The following PITPNM3 variants were observed in gnomAD, a reference collection of about 807,000 sequenced individuals.
PITPNM3 encodes membrane-associated phosphatidylinositol transfer protein 3.
A neutral mutation model predicts 102.0 loss-of-function variants in PITPNM3; 26 were observed. The ratio of observed to expected loss-of-function variants is 0.25; its 90% CI spans 0.19 to 0.35. The LOEUF (loss-of-function observed/expected upper bound fraction) is 0.35, where lower values mean the gene tolerates loss of function less well. PITPNM3 is among the 10% of genes least tolerant of loss of function. PITPNM3 has a pLI of 1.00. For synonymous variants in PITPNM3, 578 were observed against 558.6 expected, an observed-to-expected ratio of 1.03 and a Z score of -0.49; for missense variants, 1,083 against 1,346.1, an observed-to-expected ratio of 0.80 and a Z score of 3.06.
At position 6,451,342 on chromosome 17, in the gene PITPNM3, G is replaced by C. The variant is rs1281268450; in HGVS notation, c.*3996C>G. 2 of 152,220 alleles carry C rather than the reference G, an allele frequency of 1.3e-5. No homozygotes were observed. The highest frequency in any genetic ancestry group is 4.8e-5 in the African/African-American group (2 of 41,456). 9.4% of individuals were successfully genotyped at this position (152,220 alleles called of 1,614,324 possible). A position where few individuals can be genotyped will look rare whatever the true frequency, so the allele number is the denominator to read the frequency against. ...CTCACATCAAAATCAAGACCCAGTT[G>C]TAAAAATCTTTTAACTCCATAATGC... is the stretch of plus-strand genomic sequence containing the variant. On this transcript the variant is annotated 3_prime_UTR_variant, in exon 20 of 20. Coordinates refer to ENST00000262483, the MANE Select transcript of PITPNM3 (RefSeq NM_031220.4).
At chr17:6,509,680 T>G (rs1907755078) in intron 3 of PITPNM3, among the ~76,000 whole-genome samples, 1 of 151,986 alleles carries the variant, frequency 6.6e-6, no homozygotes, top group Non-Finnish European at 1.5e-5. Flanking sequence ...CTCAGGCCAC[T>G]CCCAGCATGG....
chr17:6,497,665 C>T (rs1906918864), intron 4 of PITPNM3, among the ~76,000 whole-genome samples: 1 of 152,240 alleles, frequency 6.6e-6, no homozygotes, highest in Admixed American at 6.5e-5. Flanking sequence ...GGGACAGCTG[C>T]CTGCGGCCCT....
intron 14 of PITPNM3, among the ~76,000 whole-genome samples, chr17:6,465,786 A>G (rs2150719855): frequency 6.6e-6 from 1 of 152,160 alleles, no homozygotes; most frequent in South Asian, 2.1e-4. Flanking sequence ...GTTGGCCCTG[A>G]CCAGCCCCCA....
intron 1 of PITPNM3, among the ~76,000 whole-genome samples, chr17:6,548,887 T>C (rs1366868973): frequency 6.6e-6 from 1 of 152,110 alleles, no homozygotes; most frequent in Non-Finnish European, 1.5e-5. Flanking sequence ...CTATTTTTGC[T>C]TTCAACCCTT....
chr17:6,540,382 C>T (rs1018756184), intron 1 of PITPNM3, among the ~76,000 whole-genome samples: 3 of 152,192 alleles, frequency 2.0e-5, no homozygotes, highest in African/African-American at 4.8e-5. Context: ...GTCCTCCTTC[C>T]TCAAGTGTCT....
chr17:6,483,522 G>T lies in PITPNM3; in HGVS notation c.582C>A (p.Val194=), dbSNP rs1249239978. The T allele has an allele frequency of 1.1e-5, 17 of 1,613,182 alleles. No homozygotes were observed. The highest frequency in any genetic ancestry group is 1.4e-5 in the Non-Finnish European group (17 of 1,179,492). The change falls in exon 6 of 20, where the codon GTC becomes GTA. Residue 194 remains valine (V), a synonymous_variant. Transcript: ENST00000262483. ...ACAAGCAGAAATGGACTCACTGAGAGACAAGCGAGAAAGCCTCAGAGCAGA... is the reference window on the plus strand; with the variant it reads ...ACAAGCAGAAATGGACTCACTGAGATACAAGCGAGAAAGCCTCAGAGCAGA... ...PAICSEAFSL[V]SHLNPYSHDE...
intron 4 of PITPNM3, among the ~76,000 whole-genome samples, chr17:6,496,953 T>C (rs950828543): frequency 6.6e-6 from 1 of 151,992 alleles, no homozygotes; most frequent in African/African-American, 2.4e-5. Flanking sequence ...TGCGTTGGCA[T>C]AGAGGCTAAT....
At chr17:6,480,912 G>T (rs907768856) in intron 6 of PITPNM3, 4 of 152,466 alleles carry the variant, frequency 2.6e-5, no homozygotes, top group Non-Finnish European at 4.4e-5. Flanking sequence ...TACCCTGGAG[G>T]TCCCCTCAGT....
intron 4 of PITPNM3, among the ~76,000 whole-genome samples, chr17:6,499,908 T>G (rs1907072388): frequency 6.6e-6 from 1 of 152,068 alleles, no homozygotes; most frequent in African/African-American, 2.4e-5. Flanking sequence ...TTTTTTGTAT[T>G]TTAGTAGAGA....
Position 6,491,816 on chromosome 17 carries a change from A to AATATAT in PITPNM3, c.275-7530_275-7525dup, listed in dbSNP as rs71381397. Among the ~76,000 whole-genome samples, 233 of 62,048 alleles carry AATATAT rather than the reference A, an allele frequency of 3.8e-3. 4 individuals carry two copies. The highest frequency in any genetic ancestry group is 0.013 in the African/African-American group (209 of 15,506). The allele number at this position is 62,048 out of a possible 152,430, so 40.7% of individuals were successfully genotyped here. On this transcript the variant is annotated intron_variant, in intron 4 of 19. Transcript: ENST00000262483. ...TTTTCTCTAGATGCTGGGACAATGG[A>AATATAT]ATATATATATATATATATATAATAA...
intron 3 of PITPNM3, among the ~76,000 whole-genome samples, chr17:6,505,195 A>AATATATATATATATATATATATATAT (rs55839764): frequency 3.5e-4 from 48 of 136,280 alleles, no homozygotes; most frequent in Admixed American, 1.1e-3. Context: ...AGACAAATAA[A>AATATATATATATATATATATATATAT]ATATATATAT....
In PITPNM3 at chr17:6,519,849, G is replaced by T. The variant is rs546610665; in HGVS notation, c.226+5507C>A. The stretch of plus-strand genomic sequence containing the variant: ...TGTCTCCAAAAAAAAAAGAAAGAAA[G>T]AAAAGATTTGTAAATGATGTGATGC... On this transcript the variant is annotated intron_variant, in intron 3 of 19. Coordinates refer to ENST00000262483, the MANE Select transcript of PITPNM3 (RefSeq NM_031220.4). Among the ~76,000 whole-genome samples, 17 of 151,926 alleles carry T rather than the reference G, an allele frequency of 1.1e-4. No homozygotes were observed. The East Asian group carries it at 2.5e-3, about 22-fold the overall frequency.
chr17:6,483,529 G>C lies in PITPNM3; in HGVS notation c.575C>G (p.Ser192Trp), dbSNP rs774376937. ...PCPAICSEAFSLVSHLNPYSH... is the reference protein window; with the variant it reads ...PCPAICSEAFWLVSHLNPYSH... ...GAAATGGACTCACTGAGAGACAAGC[G>C]AGAAAGCCTCAGAGCAGATGGCAGG... Residue 192 changes from serine to tryptophan, a missense_variant, in exon 6 of 20, where the codon TCG becomes TGG. By Grantham distance (177) the Ser-to-Trp change is radical (BLOSUM62 -3). Transcript: ENST00000262483. 1 of 1,613,690 alleles carries C rather than the reference G, an allele frequency of 6.2e-7. No individual in the cohort carries two copies. The highest frequency in any genetic ancestry group is 1.7e-5 in the Admixed American group (1 of 59,968).
chr17:6,500,321 A>G (rs1907095213), intron 4 of PITPNM3, among the ~76,000 whole-genome samples: 1 of 152,268 alleles, frequency 6.6e-6, no homozygotes, highest in Admixed American at 6.5e-5. Flanking sequence ...AAGCGCCATT[A>G]TAAATGCAAG....
chr17:6,468,176 C>A lies in PITPNM3; in HGVS notation c.1890+49G>T. 2 of 1,580,586 alleles carry A rather than the reference C, an allele frequency of 1.3e-6. No homozygotes were observed. Among genetic ancestry groups the A allele is most frequent in the Non-Finnish European group, 1.7e-6 (2 of 1,152,248 alleles). On this transcript the variant is annotated intron_variant, in intron 14 of 19. Transcript: ENST00000262483. The surrounding 1 kb of genome is among the most constrained non-coding windows in gnomAD (Gnocchi z 5.2). The stretch of plus-strand genomic sequence containing the variant: ...GCCCCAGCCCCCGGGCCAGCCCCAC[C>A]TCCCGGAGGACACAGTCCCAGCCAC...
intron 2 of PITPNM3, among the ~76,000 whole-genome samples, chr17:6,530,228 T>C (rs1209662148): frequency 6.6e-6 from 1 of 152,196 alleles, no homozygotes; most frequent in African/African-American, 2.4e-5. Flanking sequence ...TCTCTCACCC[T>C]TGGGGTTGGA....
At chr17:6,501,077 C>G (rs1240996969) in intron 4 of PITPNM3, among the ~76,000 whole-genome samples, 3 of 152,230 alleles carry the variant, frequency 2.0e-5, no homozygotes, top group Non-Finnish European at 4.4e-5. Flanking sequence ...CCAGAGGTCA[C>G]TAAACATCTC....
rs949951182 is a variant in PITPNM3 at position 6,478,049 on chromosome 17, T to C, written c.826A>G (p.Ile276Val). The C allele has an allele frequency of 9.3e-6, 15 of 1,613,666 alleles. No homozygotes were observed. The African/African-American group carries it at 1.7e-4, about 19-fold the overall frequency. Residue 276 changes from isoleucine (I) to valine (V), a missense_variant, in exon 8 of 20, where the codon ATC becomes GTC. By Grantham distance (29) the Ile-to-Val change is conservative (BLOSUM62 3). Transcript: ENST00000262483. The surrounding 1 kb of genome is among the most constrained non-coding windows in gnomAD (Gnocchi z 4.4). ...CCTGAGGGCCCCGCACTGTAGCAGA[T>C]GGCATCGAAGGCCAGGAGGCCCCCC... The part of the protein sequence containing the change: ...CVGGLLAFDA[I>V]CYSAGPSGDS...
chr17:6,553,741 C>T (rs934823723), intron 1 of PITPNM3, among the ~76,000 whole-genome samples: 13 of 152,240 alleles, frequency 8.5e-5, no homozygotes, highest in African/African-American at 3.1e-4. Flanking sequence ...CCTGTGTCAC[C>T]CCCCGCCGCC....
Sources: gnomAD v4.1 joint callset for allele counts (sites outside exome capture counted in the v4.1 genomes callset) on GRCh38, gnomAD v4.1.1 for gene constraint, Gnocchi (gnomAD v3.1) non-coding constraint, MANE v1.5 for transcripts, NCBI Gene and HGNC (gene_info 2026-07-23, HGNC 2026-07-21) for gene names.